The following ACTR3C variants were observed in gnomAD, a reference collection of about 807,000 sequenced individuals.
The protein encoded by ACTR3C is actin related protein 3C, also known as actin-related protein 3C.
A neutral mutation model predicts 26.3 loss-of-function variants in ACTR3C; 18 were observed. That is an observed-to-expected ratio of 0.68 (90% CI 0.47 to 1.01). The LOEUF (loss-of-function observed/expected upper bound fraction) is 1.01. Ranked by LOEUF, ACTR3C falls within the 50% of genes least tolerant of loss-of-function variation. The pLI, the probability that ACTR3C is intolerant of heterozygous loss-of-function variation, is 0.00. For synonymous variants in ACTR3C, 55 were observed against 94.5 expected, an observed-to-expected ratio of 0.58 and a Z score of 2.42; for missense variants, 184 against 250.7, an observed-to-expected ratio of 0.73 and a Z score of 1.80.
At chr7:149,889,442 T>A in the ACTR3C span, among the ~76,000 whole-genome samples, 1 of 152,244 alleles carries the variant, frequency 6.6e-6, no homozygotes, top group Admixed American at 6.5e-5. Flanking sequence ...GACAAATTAA[T>A]CTAAAAAATA....
At chr7:150,039,585 C>A in the ACTR3C span, among the ~76,000 whole-genome samples, 1 of 135,366 alleles carries the variant, frequency 7.4e-6, no homozygotes, top group Admixed American at 7.3e-5. Context: ...AGTAATCCCA[C>A]GTAAGGTACC....
chr7:150,315,564 A>G (rs952400732), intron 1 of ACTR3C, among the ~76,000 whole-genome samples: 7 of 152,244 alleles, frequency 4.6e-5, no homozygotes, highest in African/African-American at 1.7e-4. Flanking sequence ...AGCATTCAAC[A>G]TATTTTATTA....
chr7:150,281,669 C>T (rs1282553960), intron 6 of ACTR3C, among the ~76,000 whole-genome samples: 3 of 152,070 alleles, frequency 2.0e-5, no homozygotes, highest in South Asian at 2.1e-4. Flanking sequence ...GCAAAGGCCA[C>T]GCCTCAACAT....
At chr7:150,230,033 T>C in the ACTR3C span, among the ~76,000 whole-genome samples, 45 of 150,310 alleles carry the variant, frequency 3.0e-4, no homozygotes, top group African/African-American at 1.1e-3. Context: ...GAGACCAGCC[T>C]GACCAACATG....
chr7:150,038,779 G>A, the ACTR3C span, among the ~76,000 whole-genome samples: 1 of 144,588 alleles, frequency 6.9e-6, no homozygotes, highest in Non-Finnish European at 1.5e-5. Context: ...AGAGGGTCTG[G>A]CTCTCAGTCC....
chr7:150,115,863 G>A, the ACTR3C span, among the ~76,000 whole-genome samples: 1 of 152,164 alleles, frequency 6.6e-6, no homozygotes, highest in African/African-American at 2.4e-5. Flanking sequence ...AGACACATTG[G>A]CCACTTTATC....
the ACTR3C span, among the ~76,000 whole-genome samples, chr7:149,971,483 T>A: frequency 6.6e-6 from 1 of 152,242 alleles, no homozygotes; most frequent in Non-Finnish European, 1.5e-5. Flanking sequence ...TCATTAGGTT[T>A]CTTAGCTTTG....
At chr7:150,090,093 T>A in the ACTR3C span, among the ~76,000 whole-genome samples, 1 of 152,232 alleles carries the variant, frequency 6.6e-6, no homozygotes, top group African/African-American at 2.4e-5. Flanking sequence ...CAAAACCTAA[T>A]CCTGTGTTTT....
At chr7:150,130,622 A>C in the ACTR3C span, among the ~76,000 whole-genome samples, 1 of 152,202 alleles carries the variant, frequency 6.6e-6, no homozygotes, top group African/African-American at 2.4e-5. Context: ...TCATATGACC[A>C]GTAATTCTAC....
the ACTR3C span, among the ~76,000 whole-genome samples, chr7:150,166,555 C>G: frequency 6.6e-6 from 1 of 150,666 alleles, no homozygotes; most frequent in Non-Finnish European, 1.5e-5. Flanking sequence ...AAAAATTAGC[C>G]TGGCACGGTG....
At chr7:150,099,201 C>A in the ACTR3C span, among the ~76,000 whole-genome samples, 1 of 146,608 alleles carries the variant, frequency 6.8e-6, no homozygotes, top group Non-Finnish European at 1.5e-5. Flanking sequence ...ACTGACTCCA[C>A]TCTGCCAGAG....
At chr7:149,972,143 G>A in the ACTR3C span, among the ~76,000 whole-genome samples, 4 of 152,074 alleles carry the variant, frequency 2.6e-5, no homozygotes, top group East Asian at 1.9e-4. Context: ...CAGCTTCACC[G>A]GCCCTGCACA....
chr7:150,041,426 G>C, the ACTR3C span: 4 of 149,546 alleles, frequency 2.7e-5, no homozygotes, highest in East Asian at 8.0e-4. Flanking sequence ...AGATTTGAAC[G>C]TTCTACTTGG....
the ACTR3C span, among the ~76,000 whole-genome samples, chr7:150,159,476 C>T: frequency 3.2e-4 from 48 of 152,156 alleles, no homozygotes; most frequent in African/African-American, 1.1e-3. Context: ...TTAGCTTTGG[C>T]GGACAACGTC....
the ACTR3C span, among the ~76,000 whole-genome samples, chr7:150,123,964 C>T: frequency 5.3e-5 from 8 of 152,094 alleles, no homozygotes; most frequent in African/African-American, 1.9e-4. Flanking sequence ...GTGGCAGCCC[C>T]GATGTCCCTT....
the ACTR3C span, among the ~76,000 whole-genome samples, chr7:149,895,726 C>T: frequency 6.6e-6 from 1 of 152,146 alleles, no homozygotes; most frequent in Non-Finnish European, 1.5e-5. Context: ...GTCCTAGCTA[C>T]TTGGAAGGAT....
intron 1 of ACTR3C, among the ~76,000 whole-genome samples, chr7:150,310,586 G>T (rs571599551): frequency 6.6e-6 from 1 of 150,960 alleles, no homozygotes; most frequent in African/African-American, 2.5e-5. Context: ...TCATTATTCT[G>T]TTATCGACCT....
the ACTR3C span, among the ~76,000 whole-genome samples, chr7:149,913,885 CCTTTTTTTTTTT>C: frequency 2.7e-5 from 2 of 74,658 alleles, no homozygotes; most frequent in African/African-American, 5.7e-5. Flanking sequence ...CTCATATGTC[CCTTTTTTTTTTT>C]TTTTTTTTGA....
chr7:150,048,970 C>T, the ACTR3C span, among the ~76,000 whole-genome samples: 1 of 152,144 alleles, frequency 6.6e-6, no homozygotes, highest in Non-Finnish European at 1.5e-5. Flanking sequence ...ACCGTGACTC[C>T]ATTCTCATTA....
Sources: gnomAD v4.1 joint callset for allele counts (sites outside exome capture counted in the v4.1 genomes callset) on GRCh38, gnomAD v4.1.1 for gene constraint, MANE v1.5 for transcripts, NCBI Gene and HGNC (gene_info 2026-07-23, HGNC 2026-07-21) for gene names.